The following DNM3 variants were observed in gnomAD, a reference collection of about 807,000 sequenced individuals.
The protein encoded by DNM3 is dynamin 3.
Under a neutral mutation model 101.6 loss-of-function variants are expected in DNM3, and 47 were observed. The observed-to-expected ratio is 0.46, with a 90% confidence interval of 0.37 to 0.59. DNM3 has a LOEUF of 0.59. Among genes scored for constraint, DNM3 ranks in the 20% least tolerant of loss-of-function variants. The pLI, the probability that DNM3 is intolerant of heterozygous loss-of-function variation, is 0.00. For missense variants in DNM3, 849 were observed against 1,085.7 expected, an observed-to-expected ratio of 0.78 and a Z score of 3.06; for synonymous variants, 385 against 387.9, an observed-to-expected ratio of 0.99 and a Z score of 0.09.
At chr1:172,323,262 T>G (rs2065801365) in intron 16 of DNM3, 67 bp from the exon 17 acceptor site, 1 of 1,484,634 alleles carries the variant, frequency 6.7e-7, no homozygotes, top group Admixed American at 2.2e-5. Context: ...GAAAAAACCC[T>G]CATAATTTTA....
At chr1:171,967,208 G>C (rs986782561) in intron 2 of DNM3, among the ~76,000 whole-genome samples, 2 of 152,056 alleles carry the variant, frequency 1.3e-5, no homozygotes, top group African/African-American at 4.8e-5. Context: ...ACATATGGTG[G>C]CAGTCTCATA....
intron 16 of DNM3, among the ~76,000 whole-genome samples, chr1:172,317,585 C>T (rs769963793): frequency 2.2e-4 from 33 of 152,188 alleles, no homozygotes; most frequent in Non-Finnish European, 4.3e-4. Context: ...GAAATACAAA[C>T]TACCATCAGA....
intron 1 of DNM3, among the ~76,000 whole-genome samples, chr1:171,862,532 T>C (rs1021395352): frequency 6.6e-6 from 1 of 152,008 alleles, no homozygotes; most frequent in Non-Finnish European, 1.5e-5. Flanking sequence ...ATGAAATGTA[T>C]AGAGTAGAGA....
rs140971811 is a variant in DNM3, at chr1:172,163,251, T to G, written c.1659+31963T>G. ...TGCAATATTCTTTTTTTGTTTTTTT[T>G]TTTTTTTGAGACGGAGTCACTCCGT... On this transcript the variant is annotated intron_variant, in intron 14 of 20. Transcript: ENST00000627582. Among the ~76,000 whole-genome samples the G allele has an allele frequency of 1.5e-3, 228 of 150,754 alleles. 2 individuals are homozygous for G. Among genetic ancestry groups the G allele is most frequent in the Non-Finnish European group, 1.8e-3 (123 of 67,584 alleles).
intron 14 of DNM3, among the ~76,000 whole-genome samples, chr1:172,147,563 G>C (rs369358200): frequency 6.6e-6 from 1 of 152,064 alleles, no homozygotes; most frequent in Admixed American, 6.6e-5. Context: ...CCCAATCTTG[G>C]CACATTTTTA....
chr1:171,848,723 T>G (rs1352939241), intron 1 of DNM3, among the ~76,000 whole-genome samples: 1 of 152,188 alleles, frequency 6.6e-6, no homozygotes. Context: ...ATTCTTAGAG[T>G]GCATTGAGTG....
downstream of DNM3, among the ~76,000 whole-genome samples, chr1:172,416,614 A>G (rs1017614642): frequency 6.6e-6 from 1 of 152,216 alleles, no homozygotes; most frequent in Admixed American, 6.5e-5. Flanking sequence ...ATATGCTAAC[A>G]GAATGTCGCT....
At chr1:172,220,157 A>G (rs991388467) in intron 14 of DNM3, among the ~76,000 whole-genome samples, 1 of 152,198 alleles carries the variant, frequency 6.6e-6, no homozygotes, top group Non-Finnish European at 1.5e-5. Context: ...GTCATTGAAG[A>G]GAAAGGGTTG....
intron 1 of DNM3, among the ~76,000 whole-genome samples, chr1:171,914,146 T>C (rs1287096176): frequency 6.6e-6 from 1 of 152,038 alleles, no homozygotes; most frequent in Non-Finnish European, 1.5e-5. Context: ...TCTCTGTTTT[T>C]TGGTTTTTGT....
intron 15 of DNM3, among the ~76,000 whole-genome samples, chr1:172,294,014 A>G (rs999815575): frequency 1.3e-5 from 2 of 152,138 alleles, no homozygotes; most frequent in South Asian, 2.1e-4. Context: ...ATACCTTTAC[A>G]TAGTAAAGGA....
intron 18 of DNM3, among the ~76,000 whole-genome samples, chr1:172,379,742 T>C (rs1255929631): frequency 6.6e-6 from 1 of 152,012 alleles, no homozygotes; most frequent in Non-Finnish European, 1.5e-5. Context: ...ACCTCAAATC[T>C]GAAAATCCTG....
chr1:171,962,906 G>A (rs192361634), intron 2 of DNM3, among the ~76,000 whole-genome samples: 4 of 152,286 alleles, frequency 2.6e-5, no homozygotes, highest in African/African-American at 9.6e-5. Context: ...CAAGGATGTG[G>A]AGCAGCAGGA....
In DNM3 at chr1:171,984,428, G is replaced by A. The variant is rs568618465; in HGVS notation, c.236-3228G>A. 2.4e-4 allele frequency among the ~76,000 whole-genome samples: 36 copies of A among 152,120 alleles called. No homozygotes were observed. The East Asian group carries it at 4.1e-3, about 17-fold the overall frequency. ...CCACACCGCCCGGTGCTCCAGCCAC[G>A]TGGACCTGGCTGTCCCTCAACATGC... On this transcript the variant is annotated intron_variant, in intron 2 of 20. Coordinates refer to ENST00000627582, the MANE Select transcript of DNM3 (RefSeq NM_015569.5).
intron 13 of DNM3, among the ~76,000 whole-genome samples, chr1:172,096,232 CTTAT>C (rs1005503252): frequency 6.6e-6 from 1 of 152,198 alleles, no homozygotes; most frequent in African/African-American, 2.4e-5. Context: ...TATTTATTCA[CTTAT>C]TTATTATTTT....
chr1:172,226,002 TG>T (rs1268009190), intron 14 of DNM3, among the ~76,000 whole-genome samples: 1 of 152,134 alleles, frequency 6.6e-6, no homozygotes, highest in Non-Finnish European at 1.5e-5. Context: ...AGTGTACTTT[TG>T]TATGAATTTA....
intron 1 of DNM3, among the ~76,000 whole-genome samples, chr1:171,871,560 G>A (rs960873300): frequency 4.6e-5 from 7 of 152,110 alleles, no homozygotes; most frequent in Non-Finnish European, 1.0e-4. Context: ...AACATTGCTG[G>A]TCCTATGAAC....
chr1:172,391,624 AT>A (rs2069537459), intron 20 of DNM3, among the ~76,000 whole-genome samples: 1 of 151,972 alleles, frequency 6.6e-6, no homozygotes, highest in Non-Finnish European at 1.5e-5. Context: ...CTTTGCCTCC[AT>A]TTTCTCTATC....
chr1:171,841,527 C>A lies in DNM3; in HGVS notation c.-130C>A. 3.0e-6 allele frequency: 4 copies of A among 1,316,356 alleles called. No homozygotes were observed. The South Asian group carries it at 4.5e-5, about 15-fold the overall frequency. The allele number at this position is 1,316,356 out of a possible 1,614,324, so 81.5% of individuals were successfully genotyped here. On this transcript the variant is annotated 5_prime_UTR_variant, in exon 1 of 21. Transcript: ENST00000627582. ...CCAAGCGGCGGGCTGGCGGCGGGCT[C>A]CGACGTCTGCGCCAGGACCTGGCTG...
chr1:172,101,739 A>G (rs2054655993), intron 13 of DNM3, among the ~76,000 whole-genome samples: 1 of 152,196 alleles, frequency 6.6e-6, no homozygotes, highest in South Asian at 2.1e-4. Context: ...ACCATGTTTA[A>G]CCACAGTTCT....
Sources: allele counts gnomAD v4.1 joint callset (sites outside exome capture counted in the v4.1 genomes callset), GRCh38; gene constraint gnomAD v4.1.1; transcripts MANE v1.5; gene names NCBI Gene and HGNC (gene_info 2026-07-23, HGNC 2026-07-21).